Variants in SLC9C1 observed in about 807,000 individuals in gnomAD.
SLC9C1 encodes solute carrier family 9 member C1, also known as sodium/hydrogen exchanger 10.
A neutral mutation model predicts 140.9 loss-of-function variants in SLC9C1; 97 were observed. The observed-to-expected ratio is 0.69, with a 90% confidence interval of 0.58 to 0.82. The LOEUF (loss-of-function observed/expected upper bound fraction) is 0.82. Ranked by LOEUF, SLC9C1 falls within the 40% of genes least tolerant of loss-of-function variation. SLC9C1 has a pLI of 0.00. For missense variants in SLC9C1, 1,340 were observed against 1,389.3 expected, an observed-to-expected ratio of 0.96 and a Z score of 0.56; for synonymous variants, 440 against 442.6, an observed-to-expected ratio of 0.99 and a Z score of 0.07.
intron 6 of SLC9C1, among the ~76,000 whole-genome samples, chr3:112,274,532 GAAGA>G (rs1353042409): frequency 1.3e-5 from 2 of 152,032 alleles, no homozygotes; most frequent in East Asian, 3.9e-4. Context: ...AGGGCAAAGG[GAAGA>G]GAAGCCGCCT....
chr3:112,237,101 A>C (rs922535906), intron 12 of SLC9C1, among the ~76,000 whole-genome samples: 2 of 152,072 alleles, frequency 1.3e-5, no homozygotes, highest in African/African-American at 2.4e-5. Context: ...TGGGAGTCTA[A>C]GTCTCTTTGT....
intron 10 of SLC9C1, among the ~76,000 whole-genome samples, chr3:112,252,088 G>C (rs1201162259): frequency 6.6e-6 from 1 of 151,966 alleles, no homozygotes; most frequent in Non-Finnish European, 1.5e-5. Flanking sequence ...GTGTTTTCTG[G>C]GTTGCAGTGG....
At chr3:112,173,325 T>C (rs547325126) in intron 23 of SLC9C1, among the ~76,000 whole-genome samples, 39 of 152,318 alleles carry the variant, frequency 2.6e-4, no homozygotes, top group African/African-American at 9.1e-4. Context: ...GTTTGTTATA[T>C]AGGTAAATTA....
rs150878194 is a variant in SLC9C1, at chr3:112,230,096, C to T, written c.1572+1265G>A. ...AGCCATGGTTGGCTGTTCAGGTTCACCTATGGTTATCTCAGGACTAGCCCT... is the reference window on the plus strand; with the variant it reads ...AGCCATGGTTGGCTGTTCAGGTTCATCTATGGTTATCTCAGGACTAGCCCT... On this transcript the variant is annotated intron_variant, in intron 13 of 28. Coordinates refer to ENST00000305815, the MANE Select transcript of SLC9C1 (RefSeq NM_183061.3). Among the ~76,000 whole-genome samples the T allele has an allele frequency of 6.1e-3, 931 of 152,222 alleles. 8 individuals carry two copies. The highest frequency in any genetic ancestry group is 0.021 in the African/African-American group (879 of 41,548).
intron 23 of SLC9C1, among the ~76,000 whole-genome samples, chr3:112,172,556 T>C (rs923659046): frequency 6.6e-6 from 1 of 152,072 alleles, no homozygotes; most frequent in Non-Finnish European, 1.5e-5. Flanking sequence ...TCTAGCCCTA[T>C]TGTACTAGTT....
chr3:112,179,291 T>C (rs1576282492), intron 23 of SLC9C1, among the ~76,000 whole-genome samples: 1 of 152,286 alleles, frequency 6.6e-6, no homozygotes, highest in East Asian at 1.9e-4. Context: ...AAAGAGCTTA[T>C]ATTGCCAGTT....
At position 112,202,462 on chromosome 3, in the gene SLC9C1, T is replaced by G. The variant is rs766035375; in HGVS notation, c.2173-63A>C. ...AAATATCATTTTATGATATGTTGAT[T>G]AGTTTAATCAAAATAGTTAATAATA... On this transcript the variant is annotated intron_variant, in intron 17 of 28. Transcript: ENST00000305815. 2.7e-6 allele frequency: 4 copies of G among 1,473,466 alleles called. No individual in the cohort carries two copies. The East Asian group carries it at 9.2e-5, about 34-fold the overall frequency. The allele number at this position is 1,473,466 out of a possible 1,614,324, so 91.3% of individuals were successfully genotyped here.
At chr3:112,211,294 A>G (rs1049222188) in intron 15 of SLC9C1, among the ~76,000 whole-genome samples, 1 of 152,202 alleles carries the variant, frequency 6.6e-6, no homozygotes, top group African/African-American at 2.4e-5. Context: ...CACAGAAGAC[A>G]GGTGATTTCT....
In SLC9C1 at chr3:112,179,720, A is replaced by G. The variant is rs757532728; in HGVS notation, c.2749-19T>C. On this transcript the variant is annotated intron_variant, in intron 22 of 28. Coordinates refer to ENST00000305815, the MANE Select transcript of SLC9C1 (RefSeq NM_183061.3). The stretch of plus-strand genomic sequence containing the variant: ...TTTCAAGCTGTTCAGGAACAAAGAA[A>G]GAGAAAAATACATATGCCAGTTAAC... 1.3e-6 allele frequency: 2 copies of G among 1,562,738 alleles called. No homozygotes were observed. The highest frequency in any genetic ancestry group is 2.3e-5 in the East Asian group (1 of 43,310).
chr3:112,165,304 A>G (rs985626921), intron 26 of SLC9C1, among the ~76,000 whole-genome samples: 12 of 152,080 alleles, frequency 7.9e-5, no homozygotes, highest in African/African-American at 2.4e-4. Context: ...GCTTTGTTCC[A>G]TTGCTGGTGA....
Position 112,231,407 on chromosome 3 carries a change from G to C in SLC9C1, c.1526C>G (p.Thr509Ser), listed in dbSNP as rs199776585. The change falls in exon 13 of 29, where the codon ACT (threonine) becomes AGT (serine). Residue 509 changes from threonine to serine, a missense_variant. Physicochemically the swap from Thr to Ser is moderately conservative, Grantham distance 58. Transcript: ENST00000305815. ...CCTGTTGGCCAGCTCCATTGCTTCA[G>C]TGTTAAAGATCTCATCTATTTCCTT... Reference protein sequence around the residue: ...CNKEIDEIFNTEAMELANRRL... With the variant: ...CNKEIDEIFNSEAMELANRRL... The C allele has an allele frequency of 1.1e-4, 184 of 1,613,260 alleles. No homozygotes were observed. Among genetic ancestry groups the C allele is most frequent in the Middle Eastern group, 9.9e-4 (6 of 6,080 alleles).
intron 10 of SLC9C1, among the ~76,000 whole-genome samples, chr3:112,251,041 T>C (rs746424923): frequency 6.6e-6 from 1 of 152,090 alleles, no homozygotes; most frequent in Non-Finnish European, 1.5e-5. Context: ...AGATACACCA[T>C]GGAATACTAT....
chr3:112,190,563 C>T (rs1467766467), intron 20 of SLC9C1, among the ~76,000 whole-genome samples: 1 of 151,962 alleles, frequency 6.6e-6, no homozygotes, highest in Admixed American at 6.6e-5. Flanking sequence ...ACAGTTTTTG[C>T]CCATCATTTC....
At chr3:112,144,285 C>A (rs1038567786) in intron 28 of SLC9C1, among the ~76,000 whole-genome samples, 8 of 145,980 alleles carry the variant, frequency 5.5e-5, no homozygotes, top group African/African-American at 2.0e-4. Context: ...TCAAGCAATT[C>A]TCCTGCCTCA....
At chr3:112,215,120 CTCAAT>C (rs1327869246) in intron 15 of SLC9C1, among the ~76,000 whole-genome samples, 1 of 152,192 alleles carries the variant, frequency 6.6e-6, no homozygotes, top group African/African-American at 2.4e-5. Flanking sequence ...ACATGATTAT[CTCAAT>C]AGATGCAGAA....
intron 12 of SLC9C1, among the ~76,000 whole-genome samples, chr3:112,236,260 G>C (rs888372991): frequency 1.3e-4 from 20 of 152,288 alleles, no homozygotes; most frequent in Middle Eastern, 3.4e-3. Context: ...TTTGTGTAGA[G>C]GTGTTTATGG....
intron 27 of SLC9C1, 83 bp downstream of exon 27, chr3:112,154,914 G>T: frequency 1.5e-6 from 2 of 1,335,838 alleles, no homozygotes; most frequent in South Asian, 1.3e-5. Flanking sequence ...TTCAGAATAA[G>T]AGAAACACAT....
intron 21 of SLC9C1, among the ~76,000 whole-genome samples, 172 bp from the exon 22 acceptor site, chr3:112,180,834 C>A (rs1410198080): frequency 9.2e-5 from 14 of 152,170 alleles, no homozygotes. Context: ...CTCCTGGGTT[C>A]AAGCCAAGGA....
intron 17 of SLC9C1, 49 bp from the exon 18 acceptor site, chr3:112,202,448 T>A: frequency 1.3e-6 from 2 of 1,514,904 alleles, no homozygotes; most frequent in Non-Finnish European, 1.8e-6. Flanking sequence ...AATATCATTT[T>A]ATGATATGTT....
Sources: allele counts gnomAD v4.1 joint callset (sites outside exome capture counted in the v4.1 genomes callset), GRCh38; gene constraint gnomAD v4.1.1; transcripts MANE v1.5; gene names NCBI Gene and HGNC (gene_info 2026-07-23, HGNC 2026-07-21).